The following HDAC6 variants were observed in gnomAD, a reference collection of about 807,000 sequenced individuals.
HDAC6 encodes the protein histone deacetylase 6.
In HDAC6, 5 loss-of-function variants were observed where a neutral mutation model predicts 88.9. That is an observed-to-expected ratio of 0.06 (90% CI 0.03 to 0.12). The LOEUF is 0.12. HDAC6 is among the 10% of genes least tolerant of loss of function. HDAC6 has a pLI of 1.00. For synonymous variants in HDAC6, 378 were observed against 398.0 expected, an observed-to-expected ratio of 0.95 and a Z score of 0.60; for missense variants, 706 against 1,014.4, an observed-to-expected ratio of 0.70 and a Z score of 4.13.
intron 22 of HDAC6, chrX:48,819,548 T>C: frequency 8.8e-6 from 1 of 113,296 alleles, no homozygotes; most frequent in South Asian, 3.4e-4. Context: ...ATCTGTCCCT[T>C]TTTTTTTTTT....
At position 48,823,906 on chromosome X, in the gene HDAC6, C is replaced by A; in HGVS notation, c.3304-16C>A. On this transcript the variant is annotated splice_polypyrimidine_tract_variant and intron_variant, in intron 26 of 28. Coordinates refer to ENST00000334136, the MANE Select transcript of HDAC6 (RefSeq NM_006044.4). ...ATGGGGTCTTCAGCTTACCTAGTTT[C>A]ACCCACCCACTCCAGGCCATATTTT... 8.3e-7 allele frequency: 1 copy of A among 1,205,968 alleles called. No individual in the cohort carries two copies. The highest frequency in any genetic ancestry group is 1.1e-6 in the Non-Finnish European group (1 of 891,017).
At chrX:48,804,960 A>C (rs2062790006) in intron 4 of HDAC6, among the ~76,000 whole-genome samples, 1 of 110,167 alleles carries the variant, frequency 9.1e-6, no homozygotes, top group African/African-American at 3.3e-5. Context: ...CTGGCTGAAG[A>C]GTATTTGGTT....
In HDAC6 at chrX:48,818,265, C is replaced by T; in HGVS notation, c.2040C>T (p.Phe680=). Residue 680 remains phenylalanine, a synonymous_variant, in exon 22 of 29, where the codon TTC becomes TTT. Coordinates refer to ENST00000334136, the MANE Select transcript of HDAC6 (RefSeq NM_006044.4). The stretch of plus-strand genomic sequence containing the variant: ...ACCGCTATGATCATGGCACCTTCTT[C>T]CCCATGGGGGATGAGGGTGCCAGCA... ...SLHRYDHGTF[F]PMGDEGASSQ... 1 of 1,197,825 alleles carries T rather than the reference C, an allele frequency of 8.3e-7. No individual in the cohort carries two copies. The highest frequency in any genetic ancestry group is 1.1e-6 in the Non-Finnish European group (1 of 888,120).
chrX:48,817,191 G>A, intron 19 of HDAC6, 135 bp from the exon 20 acceptor site: 2 of 713,651 alleles, frequency 2.8e-6, no homozygotes, highest in Non-Finnish European at 3.8e-6. Flanking sequence ...GGCGGCGCTT[G>A]CAGTGAGCCG....
intron 19 of HDAC6, chrX:48,816,972 G>T: frequency 3.7e-6 from 1 of 268,575 alleles, no homozygotes; most frequent in East Asian, 6.7e-5. Flanking sequence ...AAAAAGGTCC[G>T]GGCGTGATGG....
chrX:48,821,587 C>G (rs782252363), intron 23 of HDAC6, among the ~76,000 whole-genome samples: 1 of 103,552 alleles, frequency 9.7e-6, no homozygotes, highest in Admixed American at 1.1e-4. Context: ...ACTGCAGCCT[C>G]TATCTCCCAG....
Position 48,820,240 on chromosome X carries a change from T to C in HDAC6, c.2322T>C (p.Ile774=). 1 of 1,187,928 alleles carries C rather than the reference T, an allele frequency of 8.4e-7. No individual in the cohort carries two copies. The highest frequency in any genetic ancestry group is 1.9e-5 in the South Asian group (1 of 52,858). Residue 774 remains isoleucine (I), a synonymous_variant, in exon 23 of 29, where the codon ATT becomes ATC. Coordinates refer to ENST00000334136, the MANE Select transcript of HDAC6 (RefSeq NM_006044.4). ...TGATGGGCCTTGCCAGTGGCCGCAT[T>C]ATCCTTATCCTAGAGGTAACTTTCT... ...HLLMGLASGR[I]ILILEGGYNL... is the part of the protein sequence containing the mutation.
chrX:48,818,472 A>C (rs782290699), intron 22 of HDAC6, 60 bp downstream of exon 22: 206 of 964,258 alleles, frequency 2.1e-4, no homozygotes, highest in Non-Finnish European at 2.8e-4. Context: ...GGCAGCCTGG[A>C]CCTGCCTCCT....
chrX:48,823,512 A>C lies in HDAC6; in HGVS notation c.3113A>C (p.Gln1038Pro), dbSNP rs781833780. 3 of 1,210,347 alleles carry C rather than the reference A, an allele frequency of 2.5e-6. No homozygotes were observed. Among genetic ancestry groups the C allele is most frequent in the Non-Finnish European group, 3.4e-6 (3 of 894,663 alleles). Residue 1038 changes from glutamine to proline, a missense_variant, in exon 25 of 29, where the codon CAG becomes CCG. Gln to Pro is a moderately conservative substitution (Grantham distance 76). This residue lies in a region of HDAC6 where 112 missense variants were observed against 95.1 expected (regional missense o/e 1.18). Coordinates refer to ENST00000334136, the MANE Select transcript of HDAC6 (RefSeq NM_006044.4). ...DHQTPPTSPV[Q>P]GTTPQISPST... is the part of the protein sequence containing the mutation. The stretch of plus-strand genomic sequence containing the variant: ...CAGACCCCCCCAACCTCACCTGTGC[A>C]GGGAACTACACCCCAGATATCTCCC...
intron 22 of HDAC6, 47 bp downstream of exon 22, chrX:48,818,459 G>T: frequency 3.8e-6 from 4 of 1,064,506 alleles, no homozygotes; most frequent in Non-Finnish European, 5.0e-6. Flanking sequence ...CGCCTGTGCA[G>T]GTGGCAGCCT....
At chrX:48,802,538 G>C in intron 1 of HDAC6, 125 bp from the exon 2 acceptor site, 3 of 1,114,624 alleles carry the variant, frequency 2.7e-6, no homozygotes, top group Middle Eastern at 7.0e-4. Context: ...GAAGGCTGTG[G>C]AGAATCAGAT....
At position 48,814,409 on chromosome X, in the gene HDAC6, ACT is replaced by A. The variant is rs1557026637; in HGVS notation, c.807-26_807-25del. Reference sequence around the variant, plus strand: ...GTGTCTATGGGGATTGACTTCTCCAACTCTCTTACCTCTTTTTCTTCTGCCCC... The same window carrying A: ...GTGTCTATGGGGATTGACTTCTCCAACTCTTACCTCTTTTTCTTCTGCCCC... On this transcript the variant is annotated intron_variant, in intron 10 of 28. Coordinates refer to ENST00000334136, the MANE Select transcript of HDAC6 (RefSeq NM_006044.4). 4 of 1,204,899 alleles carry A rather than the reference ACT, an allele frequency of 3.3e-6. No individual in the cohort carries two copies. In the South Asian group the frequency reaches 7.1e-5, roughly 21 times the overall value.
At position 48,806,150 on chromosome X, in the gene HDAC6, C is replaced by G. The variant is rs1376307956; in HGVS notation, c.438-218C>G. The G allele has an allele frequency of 7.6e-6, 3 of 395,255 alleles. No homozygotes were observed. In the East Asian group the frequency reaches 1.3e-4, roughly 17 times the overall value. 32.6% of individuals were successfully genotyped at this position (395,255 alleles called of 1,213,427 possible). A position where few individuals can be genotyped will look rare whatever the true frequency, so the allele number is the denominator to read the frequency against. ...CAGCTGAACCAGTGTGGCCAAAGGC[C>G]TGAAAGTAGGATTTGGTGTGGCTAC... On this transcript the variant is annotated intron_variant, in intron 6 of 28. Coordinates refer to ENST00000334136, the MANE Select transcript of HDAC6 (RefSeq NM_006044.4).
intron 19 of HDAC6, 91 bp from the exon 20 acceptor site, chrX:48,817,235 G>C (rs2063002717): frequency 2.0e-6 from 2 of 986,801 alleles, no homozygotes; most frequent in African/African-American, 2.1e-5. Context: ...CTGGGCGACA[G>C]AGCGAGACTC....
At position 48,816,155 on chromosome X, in the gene HDAC6, T is replaced by C; in HGVS notation, c.1508T>C (p.Val503Ala). 2 of 1,211,223 alleles carry C rather than the reference T, an allele frequency of 1.7e-6. No individual in the cohort carries two copies. Among genetic ancestry groups the C allele is most frequent in the Non-Finnish European group, 2.2e-6 (2 of 895,504 alleles). Residue 503 changes from valine (V) to alanine (A), a missense_variant, in exon 18 of 29, where the codon GTA (valine) becomes GCA (alanine). Around this residue, in one of 9 missense-constraint regions of HDAC6, gnomAD observed 106 missense variants for 135.1 expected, o/e 0.78. Transcript: ENST00000334136. ...CNLWDSHHPE[V>A]PQRILRIMCR... ...CCCACTGCTAGCCACCACCCTGAGG[T>C]ACCCCAGCGCATCTTGCGGATCATG... is the stretch of plus-strand genomic sequence containing the variant.
At chrX:48,810,708 A>T (rs2147348659) in intron 10 of HDAC6, 1 of 110,182 alleles carries the variant, frequency 9.1e-6, no homozygotes, top group East Asian at 2.8e-4. Context: ...TCCCGGGCTC[A>T]AGCAATCCTC....
intron 4 of HDAC6, 152 bp downstream of exon 4, chrX:48,803,368 G>A (rs1557023164): frequency 2.0e-5 from 9 of 460,157 alleles, no homozygotes; most frequent in African/African-American, 2.4e-5. Flanking sequence ...GTTCTTTTAT[G>A]TAGCTAACAA....
At position 48,808,220 on chromosome X, in the gene HDAC6, T is replaced by G. The variant is rs782480765; in HGVS notation, c.738-38T>G. On this transcript the variant is annotated intron_variant, in intron 9 of 28. Coordinates refer to ENST00000334136, the MANE Select transcript of HDAC6 (RefSeq NM_006044.4). ...GGCTCTTCCCCCAGATTCACCTTGATCTCCTTGCACAGAGTCCCCTCTCTC... is the reference window on the plus strand; with the variant it reads ...GGCTCTTCCCCCAGATTCACCTTGAGCTCCTTGCACAGAGTCCCCTCTCTC... 6 of 1,177,377 alleles carry G rather than the reference T, an allele frequency of 5.1e-6. No individual in the cohort carries two copies. The Admixed American group carries it at 1.1e-4, about 22-fold the overall frequency.
rs73209760 is a variant in HDAC6, at chrX:48,806,443, C to T, written c.513C>T (p.Tyr171=). 3,307 of 1,187,066 alleles carry T rather than the reference C, an allele frequency of 2.8e-3. 5 individuals are homozygous for T. The highest frequency in any genetic ancestry group is 3.5e-3 in the Non-Finnish European group (3,080 of 873,795). ...EGELRVLADT[Y]DSVYLHPNSY... ...AACTCCGTGTCCTAGCAGACACCTA[C>T]GACTCAGTTTATCTGCATCCGGTAT... is the stretch of plus-strand genomic sequence containing the variant. Residue 171 remains tyrosine, a synonymous_variant, in exon 7 of 29, where the codon TAC becomes TAT. Coordinates refer to ENST00000334136, the MANE Select transcript of HDAC6 (RefSeq NM_006044.4).
Sources: gnomAD v4.1 joint callset for allele counts (sites outside exome capture counted in the v4.1 genomes callset) on GRCh38, gnomAD v4.1.1 for gene constraint, gnomAD v4.1.1 regional missense constraint, MANE v1.5 for transcripts, NCBI Gene and HGNC (gene_info 2026-07-23, HGNC 2026-07-21) for gene names.